Variants in PGM3 observed in about 807,000 individuals in gnomAD.
PGM3 encodes the protein phosphoglucomutase 3, also known as phosphoacetylglucosamine mutase.
In PGM3, 40 loss-of-function variants were observed where a neutral mutation model predicts 66.2. The ratio of observed to expected loss-of-function variants is 0.60; its 90% confidence interval spans 0.47 to 0.79. The LOEUF (loss-of-function observed/expected upper bound fraction) is 0.79. Ranked by LOEUF, PGM3 falls within the 30% of genes least tolerant of loss-of-function variation. The pLI is 0.00. For synonymous variants in PGM3, 191 were observed against 224.2 expected, an observed-to-expected ratio of 0.85 and a Z score of 1.32; for missense variants, 537 against 643.4, an observed-to-expected ratio of 0.83 and a Z score of 1.79.
intron 4 of PGM3, among the ~76,000 whole-genome samples, chr6:83,185,225 G>A (rs1012691713): frequency 2.0e-5 from 3 of 152,176 alleles, no homozygotes; most frequent in African/African-American, 7.2e-5. Flanking sequence ...GCCTGCCAAT[G>A]GGCCATGGAA....
chr6:83,148,819 T>C, the PGM3 span: 2 of 1,554,928 alleles, frequency 1.3e-6, no homozygotes, highest in Non-Finnish European at 8.6e-7. Context: ...TGAAAGACTC[T>C]ATACAACTGA....
In PGM3 at chr6:83,169,030, G is replaced by A; in HGVS notation, c.*204C>T. 3.7e-6 allele frequency: 5 copies of A among 1,362,694 alleles called. No homozygotes were observed. The highest frequency in any genetic ancestry group is 4.7e-6 in the Non-Finnish European group (5 of 1,057,610). The allele number at this position is 1,362,694 out of a possible 1,614,324, so 84.4% of individuals were successfully genotyped here. On this transcript the variant is annotated 3_prime_UTR_variant, in exon 13 of 13. Coordinates refer to ENST00000513973, the MANE Select transcript of PGM3 (RefSeq NM_015599.3). ...TTTTACATTAGTGAGACTGAAATTA[G>A]AGGTAAATTTCTTTAACAAGTGTAA...
chr6:83,157,076 G>A, downstream of PGM3: 1 of 1,130,268 alleles, frequency 8.8e-7, no homozygotes, highest in Non-Finnish European at 1.2e-6. Flanking sequence ...TTTTTTTAAA[G>A]TTTATCCTTT....
chr6:83,152,148 C>A, the PGM3 span: 24 of 1,172,040 alleles, frequency 2.0e-5, no homozygotes, highest in Admixed American at 5.3e-4. Flanking sequence ...TAACAAGTAA[C>A]TTTTTTTCAG....
Position 83,166,709 on chromosome 6 carries a change from C to T in PGM3, c.*2525G>A. On this transcript the variant is annotated 3_prime_UTR_variant, in exon 13 of 13. Transcript: ENST00000513973. Reference sequence around the variant, plus strand: ...AATATTTTCCTTTTTCAGGATTTTACTTTAAAATAAGCAATAAGCTTGAGA... The same window carrying T: ...AATATTTTCCTTTTTCAGGATTTTATTTTAAAATAAGCAATAAGCTTGAGA... 8.2e-7 allele frequency: 1 copy of T among 1,221,334 alleles called. No homozygotes were observed. Among genetic ancestry groups the T allele is most frequent in the Non-Finnish European group, 1.0e-6 (1 of 980,728 alleles). The allele number at this position is 1,221,334 out of a possible 1,614,324, so 75.7% of individuals were successfully genotyped here. A position where few individuals can be genotyped will look rare whatever the true frequency, so the allele number is the denominator to read the frequency against.
Position 83,167,189 on chromosome 6 carries a change from G to GTA in PGM3, c.*2043_*2044dup, listed in dbSNP as rs1214299711. On this transcript the variant is annotated 3_prime_UTR_variant, in exon 13 of 13. Coordinates refer to ENST00000513973, the MANE Select transcript of PGM3 (RefSeq NM_015599.3). ...CCCATTTTATAAGTGAGGAACCTTT[G>GTA]TATATCCTGCCCAAGGGTGCCGTAA... is the stretch of plus-strand genomic sequence containing the variant. 2 of 889,076 alleles carry GTA rather than the reference G, an allele frequency of 2.2e-6. No homozygotes were observed. Among genetic ancestry groups the GTA allele is most frequent in the African/African-American group, 3.6e-5 (2 of 55,330 alleles). 55.1% of individuals were successfully genotyped at this position (889,076 alleles called of 1,614,324 possible). A position where few individuals can be genotyped will look rare whatever the true frequency, so the allele number is the denominator to read the frequency against.
chr6:83,193,011 G>A (rs1270716735), intron 1 of PGM3, 168 bp downstream of exon 1: 2 of 152,144 alleles, frequency 1.3e-5, no homozygotes, highest in Non-Finnish European at 2.9e-5. Flanking sequence ...CCCGCCCGCG[G>A]GGCGCAGGGG....
rs964575032 is a variant in PGM3, at chr6:83,166,244, T to TA, written c.*2989_*2990insT. ...CGAACGACCATAAAATGGTCAACATTGAGTTCTTGGGCAGCTCTCTTATAG... is the reference window on the plus strand; with the variant it reads ...CGAACGACCATAAAATGGTCAACATTAGAGTTCTTGGGCAGCTCTCTTATAG... On this transcript the variant is annotated 3_prime_UTR_variant, in exon 13 of 13. Coordinates refer to ENST00000513973, the MANE Select transcript of PGM3 (RefSeq NM_015599.3). 6.9e-5 allele frequency: 36 copies of TA among 522,004 alleles called. No homozygotes were observed. The Admixed American group carries it at 1.1e-3, about 15-fold the overall frequency. 32.3% of individuals were successfully genotyped at this position (522,004 alleles called of 1,614,324 possible). A position where few individuals can be genotyped will look rare whatever the true frequency, so the allele number is the denominator to read the frequency against.
rs1435803133 is a variant in PGM3, at chr6:83,165,540, CAAT to C, written c.*3691_*3693del. The C allele has an allele frequency of 6.4e-6, 1 of 156,456 alleles. No homozygotes were observed. Among genetic ancestry groups the C allele is most frequent in the East Asian group, 1.9e-4 (1 of 5,360 alleles). The allele number at this position is 156,456 out of a possible 1,614,324, so 9.7% of individuals were successfully genotyped here. On this transcript the variant is annotated 3_prime_UTR_variant, in exon 13 of 13. Transcript: ENST00000513973. ...ACCATTACAATCAACACATTTTTGC[CAAT>C]GAGAAATAAGTTTGTTTACTCCTGT...
intron 4 of PGM3, among the ~76,000 whole-genome samples, chr6:83,184,882 T>C (rs1788457713): frequency 6.6e-6 from 1 of 152,196 alleles, no homozygotes; most frequent in African/African-American, 2.4e-5. Context: ...CCTCCAAGAT[T>C]TGTATGAATT....
In PGM3 at chr6:83,167,839, A is replaced by T. The variant is rs777893583; in HGVS notation, c.*1395T>A. 1.3e-6 allele frequency: 2 copies of T among 1,588,714 alleles called. No individual in the cohort carries two copies. Among genetic ancestry groups the T allele is most frequent in the Non-Finnish European group, 1.7e-6 (2 of 1,167,104 alleles). On this transcript the variant is annotated 3_prime_UTR_variant, in exon 13 of 13. Coordinates refer to ENST00000513973, the MANE Select transcript of PGM3 (RefSeq NM_015599.3). ...CCACATTGTCTGTTGTATTAATACC[A>T]GTTCACTTTTTGTTTTCTGCAGAAA... is the stretch of plus-strand genomic sequence containing the variant.
the PGM3 span, among the ~76,000 whole-genome samples, chr6:83,152,793 T>C: frequency 3.3e-5 from 5 of 152,004 alleles, no homozygotes; most frequent in African/African-American, 4.8e-5. Flanking sequence ...AATTTTTGTA[T>C]TTTTAGTAGA....
rs1185677463 is a variant in PGM3 at position 83,167,146 on chromosome 6, A to G, written c.*2088T>C. The G allele has an allele frequency of 1.1e-6, 1 of 934,542 alleles. No homozygotes were observed. Among genetic ancestry groups the G allele is most frequent in the Non-Finnish European group, 1.3e-6 (1 of 783,688 alleles). 57.9% of individuals were successfully genotyped at this position (934,542 alleles called of 1,614,324 possible). A position where few individuals can be genotyped will look rare whatever the true frequency, so the allele number is the denominator to read the frequency against. ...CCTTCTCATTTGACTTCTCTACTAA[A>G]AGGTAGTTTTAGACTGTCCCATTTT... On this transcript the variant is annotated 3_prime_UTR_variant, in exon 13 of 13. Coordinates refer to ENST00000513973, the MANE Select transcript of PGM3 (RefSeq NM_015599.3).
downstream of PGM3, among the ~76,000 whole-genome samples, chr6:83,164,090 T>A (rs901518036): frequency 6.1e-5 from 9 of 147,928 alleles, no homozygotes; most frequent in African/African-American, 1.8e-4. Context: ...CTAGGTTGTC[T>A]GGTGAGATCT....
chr6:83,170,522 T>A (rs1330261172), intron 11 of PGM3, 44 bp from the exon 12 acceptor site: 22 of 1,495,662 alleles, frequency 1.5e-5, no homozygotes, highest in Non-Finnish European at 2.0e-5. Context: ...TACACTTCCT[T>A]TCAGAAGCTT....
chr6:83,156,061 A>G, the PGM3 span: 1 of 1,614,008 alleles, frequency 6.2e-7, no homozygotes, highest in Non-Finnish European at 8.5e-7. Flanking sequence ...TATTTTTAGC[A>G]GTGAAATTGA....
rs1788048070 is a variant in PGM3, at chr6:83,179,865, T to C, written c.890A>G (p.Asp297Gly). 1 of 1,613,640 alleles carries C rather than the reference T, an allele frequency of 6.2e-7. No homozygotes were observed. Among genetic ancestry groups the C allele is most frequent in the Non-Finnish European group, 8.5e-7 (1 of 1,179,668 alleles). The change falls in exon 7 of 13, where the codon GAT (aspartate) becomes GGT (glycine). Residue 297 changes from aspartate to glycine, a missense_variant. Asp to Gly is a moderately conservative substitution (Grantham distance 94). Transcript: ENST00000513973. ...AATTAACGTTGCTATCTTGTCTCCA[T>C]CTATGAGATGAAAGTGGCCATCTGC... Reference protein sequence around the residue: ...HDADGHFHLIDGDKIATLISS... With the variant: ...HDADGHFHLIGGDKIATLISS...
chr6:83,161,721 T>C (rs1186071182), downstream of PGM3, among the ~76,000 whole-genome samples: 4 of 152,210 alleles, frequency 2.6e-5, no homozygotes, highest in South Asian at 6.2e-4. Context: ...AGCATTCTTA[T>C]TCTTGTTGGA....
At chr6:83,162,332 G>T (rs995795260), downstream of PGM3, among the ~76,000 whole-genome samples, 24 of 151,982 alleles carry the variant, frequency 1.6e-4, no homozygotes, top group African/African-American at 4.6e-4. Context: ...TCTTAAATTC[G>T]TTCAATTTTT....
Sources: allele counts gnomAD v4.1 joint callset (sites outside exome capture counted in the v4.1 genomes callset), GRCh38; gene constraint gnomAD v4.1.1; transcripts MANE v1.5; gene names NCBI Gene and HGNC (gene_info 2026-07-23, HGNC 2026-07-21).